The following THSD7B variants were observed in gnomAD, a reference collection of about 807,000 sequenced individuals.
The protein encoded by THSD7B is thrombospondin type 1 domain containing 7B, also known as thrombospondin type-1 domain-containing protein 7B.
A neutral mutation model predicts 213.6 loss-of-function variants in THSD7B; 138 were observed. The observed-to-expected ratio is 0.65, with a 90% CI of 0.56 to 0.74. The LOEUF (loss-of-function observed/expected upper bound fraction) is 0.74, where lower values mean the gene tolerates loss of function less well. THSD7B is among the 30% of genes least tolerant of loss of function. The pLI is 0.00. For missense variants in THSD7B, 1,931 were observed against 1,991.5 expected, an observed-to-expected ratio of 0.97 and a Z score of 0.58; for synonymous variants, 742 against 687.0, an observed-to-expected ratio of 1.08 and a Z score of -1.25.
At chr2:137,638,247 G>T (rs1323087438) in intron 20 of THSD7B, among the ~76,000 whole-genome samples, 1 of 152,164 alleles carries the variant, frequency 6.6e-6, no homozygotes, top group African/African-American at 2.4e-5. Flanking sequence ...ACGTGTTGTA[G>T]GAGGGACCCA....
At chr2:137,226,439 A>G (rs1681506394) in intron 7 of THSD7B, among the ~76,000 whole-genome samples, 1 of 151,654 alleles carries the variant, frequency 6.6e-6, no homozygotes, top group South Asian at 2.1e-4. Context: ...TAAGAATTAT[A>G]GACTATGCTG....
chr2:137,338,101 C>T (rs75876311), intron 12 of THSD7B, among the ~76,000 whole-genome samples: 10 of 152,142 alleles, frequency 6.6e-5, no homozygotes, highest in East Asian at 5.8e-4. Flanking sequence ...AGTCAGACAG[C>T]GGCTGAGACT....
At chr2:137,532,640 C>T (rs958259127) in intron 15 of THSD7B, among the ~76,000 whole-genome samples, 1 of 151,708 alleles carries the variant, frequency 6.6e-6, no homozygotes, top group South Asian at 2.1e-4. Flanking sequence ...TCATGTCCCT[C>T]GGAGTTTGTT....
rs77344950 is a variant in THSD7B, at chr2:137,597,007, A to C, written c.3424-19168A>C. 2.7e-3 allele frequency among the ~76,000 whole-genome samples: 412 copies of C among 152,272 alleles called. 4 individuals carry two copies. Among genetic ancestry groups the C allele is most frequent in the African/African-American group, 9.6e-3 (399 of 41,566 alleles). On this transcript the variant is annotated intron_variant, in intron 17 of 27. Transcript: ENST00000409968. ...TAGTTTCGTAAATATTTAAGAAACC[A>C]TTGTGTGGTTTTTCACCAGAAAGAA...
chr2:136,933,108 ATTCCTTCCTTCCTTCCTTCCTTCC>A (rs56042301), intron 2 of THSD7B, among the ~76,000 whole-genome samples: 58 of 130,776 alleles, frequency 4.4e-4, no homozygotes, highest in East Asian at 1.6e-3. Context: ...TTTGCCCGCC[ATTCCTTCCTTCCTTCCTTCCTTCC>A]TTCCTTCCTT....
At chr2:137,660,308 T>TAATC (rs1683318685) in intron 25 of THSD7B, among the ~76,000 whole-genome samples, 1 of 152,224 alleles carries the variant, frequency 6.6e-6, no homozygotes, top group Non-Finnish European at 1.5e-5. Context: ...GTAAAACATG[T>TAATC]AATGTATTCT....
chr2:137,074,535 A>G (rs2104896285), intron 3 of THSD7B, among the ~76,000 whole-genome samples: 1 of 152,120 alleles, frequency 6.6e-6, no homozygotes, highest in South Asian at 2.1e-4. Flanking sequence ...TTGACTCTTT[A>G]TCCAATTTGC....
intron 2 of THSD7B, among the ~76,000 whole-genome samples, chr2:136,891,065 CT>C (rs1022458954): frequency 1.3e-5 from 2 of 151,564 alleles, no homozygotes; most frequent in Admixed American, 6.6e-5. Context: ...TCTACAATCC[CT>C]TTTTTTAATT....
At chr2:136,878,282 G>A (rs1436653039) in intron 1 of THSD7B, among the ~76,000 whole-genome samples, 2 of 152,184 alleles carry the variant, frequency 1.3e-5, no homozygotes, top group African/African-American at 4.8e-5. Context: ...ATTCCATGGT[G>A]TATATGTGCC....
rs867038077 is a variant in THSD7B at position 137,466,574 on chromosome 2, A to G, written c.3138+15551A>G. ...GTGGCCCAAGACAATTCTTCTTCCA[A>G]TGTGGCTCAGGGAAGCCAAAAGATT... On this transcript the variant is annotated intron_variant, in intron 15 of 27. Coordinates refer to ENST00000409968, the MANE Select transcript of THSD7B (RefSeq NM_001316349.2). Among the ~76,000 whole-genome samples, 50 of 152,220 alleles carry G rather than the reference A, an allele frequency of 3.3e-4. 1 individual carries two copies. Among genetic ancestry groups the G allele is most frequent in the African/African-American group, 9.6e-4 (40 of 41,546 alleles).
At chr2:137,011,560 C>T (rs1686231262) in intron 2 of THSD7B, among the ~76,000 whole-genome samples, 1 of 152,118 alleles carries the variant, frequency 6.6e-6, no homozygotes. Flanking sequence ...CCAAATGTCT[C>T]TTGGGGACAA....
chr2:137,640,286 A>G (rs1191737297), intron 20 of THSD7B, among the ~76,000 whole-genome samples: 1 of 152,018 alleles, frequency 6.6e-6, no homozygotes, highest in East Asian at 1.9e-4. Flanking sequence ...TCTTACCACC[A>G]CCATGTAAGA....
chr2:137,045,387 T>A (rs1251751574), intron 2 of THSD7B, among the ~76,000 whole-genome samples: 1 of 152,146 alleles, frequency 6.6e-6, no homozygotes, highest in Non-Finnish European at 1.5e-5. Flanking sequence ...GCTAAGTGAC[T>A]AGTGGAGAGG....
intron 3 of THSD7B, among the ~76,000 whole-genome samples, chr2:137,075,437 C>G (rs10200644): frequency 0.02 from 3,075 of 152,308 alleles, 116 homozygotes; most frequent in African/African-American, 0.069. Flanking sequence ...TCAGCTCCAT[C>G]AGGTCCTTTA....
At chr2:137,082,954 T>C (rs1002039150) in intron 3 of THSD7B, among the ~76,000 whole-genome samples, 10 of 152,136 alleles carry the variant, frequency 6.6e-5, no homozygotes, top group Non-Finnish European at 1.5e-4. Context: ...AGTATGTCTG[T>C]GTGCTTATCT....
chr2:137,498,726 A>G (rs1679632074), intron 15 of THSD7B, among the ~76,000 whole-genome samples: 1 of 152,150 alleles, frequency 6.6e-6, no homozygotes, highest in African/African-American at 2.4e-5. Flanking sequence ...AGGGGTAGGA[A>G]TTGGCCCTTT....
intron 2 of THSD7B, among the ~76,000 whole-genome samples, chr2:136,956,191 C>T (rs893483839): frequency 3.3e-5 from 5 of 152,118 alleles, no homozygotes; most frequent in Non-Finnish European, 7.4e-5. Context: ...TGCATGAATC[C>T]TGAACTAAAC....
intron 17 of THSD7B, among the ~76,000 whole-genome samples, chr2:137,581,008 A>G (rs552495762): frequency 1.8e-4 from 28 of 152,330 alleles, no homozygotes; most frequent in African/African-American, 6.0e-4. Flanking sequence ...GTGGGGATAA[A>G]TATCCAAACT....
chr2:136,815,368 G>T (rs911362832), intron 1 of THSD7B, among the ~76,000 whole-genome samples: 7 of 152,062 alleles, frequency 4.6e-5, no homozygotes, highest in Admixed American at 4.6e-4. Flanking sequence ...CATGGTTCTT[G>T]GTGCTATAGA....
Sources: allele counts gnomAD v4.1 joint callset (sites outside exome capture counted in the v4.1 genomes callset), GRCh38; gene constraint gnomAD v4.1.1; transcripts MANE v1.5; gene names NCBI Gene and HGNC (gene_info 2026-07-23, HGNC 2026-07-21).